Variants in ADGRL2 observed in about 807,000 individuals in gnomAD.
ADGRL2 encodes the protein adhesion G protein-coupled receptor L2, also known as calcium-independent alpha-latrotoxin receptor 2.
ADGRL2 carries 44 observed loss-of-function variants against 157.4 expected under a neutral mutation model. The ratio of observed to expected loss-of-function variants is 0.28; its 90% CI spans 0.22 to 0.36. The LOEUF (loss-of-function observed/expected upper bound fraction) is 0.36. Ranked by LOEUF, ADGRL2 falls within the 10% of genes least tolerant of loss-of-function variation. The probability of loss-of-function intolerance (pLI) is 1.00; values close to 1 mark genes in which losing one functional copy is unlikely to be tolerated. For missense variants in ADGRL2, 1,510 were observed against 1,768.9 expected, an observed-to-expected ratio of 0.85 and a Z score of 2.63; for synonymous variants, 585 against 624.7, an observed-to-expected ratio of 0.94 and a Z score of 0.95.
intron 3 of ADGRL2, among the ~76,000 whole-genome samples, chr1:81,625,290 A>G (rs545467461): frequency 1.2e-3 from 188 of 152,006 alleles, no homozygotes; most frequent in African/African-American, 4.2e-3. Flanking sequence ...TCCCTCTTCC[A>G]TATCTTCCTC....
chr1:81,425,149 A>C (rs1217389291), intron 1 of ADGRL2, among the ~76,000 whole-genome samples: 1 of 152,208 alleles, frequency 6.6e-6, no homozygotes, highest in Non-Finnish European at 1.5e-5. Flanking sequence ...AAAAGAAAGA[A>C]ATTTCAAAAG....
intron 1 of ADGRL2, among the ~76,000 whole-genome samples, chr1:81,425,160 A>G (rs2077189461): frequency 6.6e-6 from 1 of 152,162 alleles, no homozygotes; most frequent in African/African-American, 2.4e-5. Context: ...ATTTCAAAAG[A>G]TCTATACTTT....
At chr1:81,874,660 C>CTGTCT (rs1179092348) in intron 2 of ADGRL2, among the ~76,000 whole-genome samples, 1 of 149,088 alleles carries the variant, frequency 6.7e-6, no homozygotes, top group African/African-American at 2.4e-5. Context: ...CTGTCCTGTC[C>CTGTCT]TGTCCTGTCC....
chr1:81,376,375 C>A (rs1455279341), intron 1 of ADGRL2, among the ~76,000 whole-genome samples: 2 of 152,252 alleles, frequency 1.3e-5, no homozygotes, highest in East Asian at 3.9e-4. Flanking sequence ...ACTTTTCCAG[C>A]CTGCTTTGTG....
At chr1:81,801,127 C>T (rs2088022816) in intron 1 of ADGRL2, among the ~76,000 whole-genome samples, 59 bp downstream of exon 1, 1 of 152,086 alleles carries the variant, frequency 6.6e-6, no homozygotes, top group African/African-American at 2.4e-5. Context: ...GCAGCAGCTG[C>T]TCAAATGGAG....
chr1:81,935,023 AC>A (rs1178391416), intron 3 of ADGRL2, among the ~76,000 whole-genome samples: 2 of 151,980 alleles, frequency 1.3e-5, no homozygotes, highest in Non-Finnish European at 2.9e-5. Context: ...GAAAAATGAA[AC>A]ATCAGAATTA....
At chr1:81,985,526 G>A (rs17431590) in intron 21 of ADGRL2, 171 bp downstream of exon 21, 34,599 of 431,438 alleles carry the variant, frequency 0.08, 1,493 homozygotes, top group African/African-American at 0.14. Flanking sequence ...TTATCCTAGG[G>A]AGTACAGATT....
At chr1:81,893,175 A>G (rs948734599) in intron 2 of ADGRL2, among the ~76,000 whole-genome samples, 47 of 152,280 alleles carry the variant, frequency 3.1e-4, no homozygotes, top group African/African-American at 1.0e-3. Context: ...CTGCTTCTAC[A>G]TAGTCCTTAG....
At chr1:81,661,126 G>T (rs375074582) in intron 3 of ADGRL2, among the ~76,000 whole-genome samples, 1 of 152,038 alleles carries the variant, frequency 6.6e-6, no homozygotes, top group Non-Finnish European at 1.5e-5. Flanking sequence ...TGCTATAAAG[G>T]TTTAGGAAAG....
rs189535371 is a variant in ADGRL2, at chr1:81,829,129, C to G, written c.-100-7756C>G. ...GTTTCACCGCATTGGCCAAGCTGGT[C>G]TCGAACTCCTGACCTCAGGCAATCC... On this transcript the variant is annotated intron_variant, in intron 1 of 23. Coordinates refer to ENST00000686636, the MANE Select transcript of ADGRL2 (RefSeq NM_001366006.2). 1.5e-3 allele frequency among the ~76,000 whole-genome samples: 223 copies of G among 152,182 alleles called. 1 individual carries two copies. In the Middle Eastern group the frequency reaches 0.017, roughly 12 times the overall value.
chr1:81,721,222 T>C (rs1320501242), intron 1 of ADGRL2, among the ~76,000 whole-genome samples: 1 of 151,558 alleles, frequency 6.6e-6, no homozygotes, highest in African/African-American at 2.4e-5. Context: ...CATTTATCTG[T>C]ATAATTGCAT....
intron 2 of ADGRL2, among the ~76,000 whole-genome samples, chr1:81,542,935 T>C (rs1378161789): frequency 6.6e-6 from 1 of 152,146 alleles, no homozygotes; most frequent in Non-Finnish European, 1.5e-5. Context: ...TTAACAGATG[T>C]CTGCCAACAA....
chr1:81,874,571 T>C (rs570549731), intron 2 of ADGRL2, among the ~76,000 whole-genome samples: 2 of 152,240 alleles, frequency 1.3e-5, no homozygotes, highest in African/African-American at 4.8e-5. Flanking sequence ...CTTCCTGATC[T>C]GAGTTTTCTT....
chr1:81,708,743 A>G (rs912462358), intron 1 of ADGRL2, among the ~76,000 whole-genome samples: 5 of 152,078 alleles, frequency 3.3e-5, no homozygotes, highest in African/African-American at 1.2e-4. Flanking sequence ...CTCCTTCTAT[A>G]GAAATCTCTG....
chr1:81,447,920 A>C (rs1232542036), intron 2 of ADGRL2, among the ~76,000 whole-genome samples: 1 of 151,816 alleles, frequency 6.6e-6, no homozygotes, highest in Non-Finnish European at 1.5e-5. Flanking sequence ...TGTTCTCCTG[A>C]TAACAGTTCT....
intron 1 of ADGRL2, among the ~76,000 whole-genome samples, chr1:81,737,413 G>C (rs1042785734): frequency 6.6e-6 from 1 of 152,122 alleles, no homozygotes; most frequent in Non-Finnish European, 1.5e-5. Flanking sequence ...TAAACAACCA[G>C]ATCTTGTGAG....
intron 1 of ADGRL2, among the ~76,000 whole-genome samples, chr1:81,381,424 A>G (rs898383560): frequency 6.6e-6 from 1 of 152,166 alleles, no homozygotes; most frequent in African/African-American, 2.4e-5. Context: ...GAAATAGCCT[A>G]TAAATTAGCT....
chr1:81,901,318 G>GAA (rs145396519), intron 2 of ADGRL2, among the ~76,000 whole-genome samples: 1 of 150,364 alleles, frequency 6.7e-6, no homozygotes, highest in South Asian at 2.1e-4. Flanking sequence ...CGTAGTCAGA[G>GAA]AAAAAAAAAC....
rs1285421568 is a variant in ADGRL2 at position 81,985,312 on chromosome 1, T to C, written c.3465T>C (p.Ser1155=). 7.5e-6 allele frequency: 12 copies of C among 1,607,962 alleles called. No individual in the cohort carries two copies. The highest frequency in any genetic ancestry group is 1.0e-5 in the Non-Finnish European group (12 of 1,175,882). Residue 1155 remains serine (S), a synonymous_variant, in exon 21 of 24, where the codon TCT becomes TCC. Coordinates refer to ENST00000686636, the MANE Select transcript of ADGRL2 (RefSeq NM_001366006.2). ...NDTVRKQSES[S]FISGDINSTS... is the part of the protein sequence containing the mutation. ...CTGTGAGAAAACAATCAGAATCTTC[T>C]TTTATCTCAGGTGACATCAATAGCA...
Sources: gnomAD v4.1 joint callset for allele counts (sites outside exome capture counted in the v4.1 genomes callset) on GRCh38, gnomAD v4.1.1 for gene constraint, MANE v1.5 for transcripts, NCBI Gene and HGNC (gene_info 2026-07-23, HGNC 2026-07-21) for gene names.